AGBL5: variants seen among roughly 807,000 people sequenced by gnomAD.
AGBL5 encodes the protein AGBL carboxypeptidase 5, also known as cytosolic carboxypeptidase-like protein 5.
A neutral mutation model predicts 88.0 loss-of-function variants in AGBL5; 51 were observed. The observed-to-expected ratio is 0.58, with a 90% CI of 0.46 to 0.73. The LOEUF (loss-of-function observed/expected upper bound fraction) is 0.73, where lower values mean the gene tolerates loss of function less well. Among genes scored for constraint, AGBL5 ranks in the 30% least tolerant of loss-of-function variants. AGBL5 has a pLI of 0.00. For missense variants in AGBL5, 1,031 were observed against 1,162.2 expected, an observed-to-expected ratio of 0.89 and a Z score of 1.64; for synonymous variants, 446 against 438.8, an observed-to-expected ratio of 1.02 and a Z score of -0.21.
chr2:27,069,979 T>C, intron 14 of AGBL5, 113 bp from the exon 15 acceptor site: 6 of 1,527,636 alleles, frequency 3.9e-6, no homozygotes, highest in Non-Finnish European at 5.3e-6. Context: ...AACTTGCCCA[T>C]CCTTACCCAT....
intron 11 of AGBL5, among the ~76,000 whole-genome samples, chr2:27,063,266 A>G (rs1182679163): frequency 6.6e-6 from 1 of 152,212 alleles, no homozygotes; most frequent in African/African-American, 2.4e-5. Context: ...TATTTGTTGA[A>G]TGAATAAAAA....
chr2:27,054,533 G>A, intron 4 of AGBL5, 97 bp from the exon 5 acceptor site: 1 of 1,232,548 alleles, frequency 8.1e-7, no homozygotes, highest in South Asian at 1.4e-5. Flanking sequence ...AGGTTAGGGT[G>A]AAGGACCAGA....
intron 8 of AGBL5, chr2:27,057,014 C>T: frequency 3.5e-6 from 2 of 571,500 alleles, no homozygotes; most frequent in Non-Finnish European, 2.9e-6. Context: ...AAACAAAAAA[C>T]AACACCCAGT....
rs925848309 is a variant in AGBL5 at position 27,070,246 on chromosome 2, G to C, written c.2644G>C (p.Val882Leu). The C allele has an allele frequency of 5.0e-6, 8 of 1,614,178 alleles. No individual in the cohort carries two copies. Among genetic ancestry groups the C allele is most frequent in the Non-Finnish European group, 6.8e-6 (8 of 1,180,030 alleles). The change falls in exon 15 of 15, where the codon GTT becomes CTT. Residue 882 changes from valine (V) to leucine (L), a missense_variant. Coordinates refer to ENST00000360131, the MANE Select transcript of AGBL5 (RefSeq NM_021831.6). Reference sequence around the variant, plus strand: ...TGTCCCTAAATCTCCCCCACTGACTGTTTCTCCCCGGGTCTGATAATGCCT... The same window carrying C: ...TGTCCCTAAATCTCCCCCACTGACTCTTTCTCCCCGGGTCTGATAATGCCT... Reference protein sequence around the residue: ...CFVPKSPPLTVSPRV With the variant: ...CFVPKSPPLTLSPRV
In AGBL5 at chr2:27,058,252, A is replaced by G. The variant is rs951799675; in HGVS notation, c.1672-148A>G. 7 of 895,744 alleles carry G rather than the reference A, an allele frequency of 7.8e-6. No individual in the cohort carries two copies. The South Asian group carries it at 1.1e-4, about 14-fold the overall frequency. 55.5% of individuals were successfully genotyped at this position (895,744 alleles called of 1,614,324 possible). A position where few individuals can be genotyped will look rare whatever the true frequency, so the allele number is the denominator to read the frequency against. On this transcript the variant is annotated intron_variant, in intron 9 of 14. Coordinates refer to ENST00000360131, the MANE Select transcript of AGBL5 (RefSeq NM_021831.6). The stretch of plus-strand genomic sequence containing the variant: ...GAACAGCTCCAAATCCGTTTGCAAT[A>G]AACAGCCTGGGCACAAAGGTTAGGG...
intron 14 of AGBL5, 73 bp from the exon 15 acceptor site, chr2:27,070,019 C>T (rs757681441): frequency 2.6e-6 from 4 of 1,547,876 alleles, no homozygotes; most frequent in South Asian, 1.2e-5. Context: ...TTTCACTTCC[C>T]AGCCCCTGGT....
At chr2:27,067,809 G>C (rs1669071071) in intron 12 of AGBL5, 163 bp downstream of exon 12, 1 of 791,816 alleles carries the variant, frequency 1.3e-6, no homozygotes, top group Non-Finnish European at 2.2e-6. Flanking sequence ...TTATTAATGT[G>C]TCTGTGTAAT....
intron 11 of AGBL5, among the ~76,000 whole-genome samples, chr2:27,059,987 A>G (rs1458306347): frequency 6.6e-6 from 1 of 152,162 alleles, no homozygotes; most frequent in Non-Finnish European, 1.5e-5. Context: ...CGTCTCTATT[A>G]AAAATACAAA....
chr2:27,059,040 C>A, intron 10 of AGBL5, 150 bp from the exon 11 acceptor site: 1 of 773,230 alleles, frequency 1.3e-6, no homozygotes, highest in Non-Finnish European at 2.2e-6. Flanking sequence ...GATACTTCAT[C>A]CACGGACATG....
intron 11 of AGBL5, among the ~76,000 whole-genome samples, chr2:27,066,781 C>T (rs1051660510): frequency 1.3e-5 from 2 of 151,372 alleles, no homozygotes; most frequent in African/African-American, 4.9e-5. Flanking sequence ...CCCGTCTCTA[C>T]TAAAAATACA....
At chr2:27,050,456 C>T (rs1422715882), upstream of AGBL5, among the ~76,000 whole-genome samples, 3 of 152,224 alleles carry the variant, frequency 2.0e-5, no homozygotes, top group Non-Finnish European at 2.9e-5. Context: ...GTGCAGGTAC[C>T]GCGGCACAAG....
Position 27,055,710 on chromosome 2 carries a change from CG to C in AGBL5, c.938del (p.Arg313LeufsTer4). 6.2e-7 allele frequency: 1 copy of C among 1,613,844 alleles called. No individual in the cohort carries two copies. The highest frequency in any genetic ancestry group is 1.3e-5 in the African/African-American group (1 of 75,036). On this transcript the variant is annotated frameshift_variant, in exon 7 of 15. Transcript: ENST00000360131. LOFTEE classifies it high-confidence loss of function. Reference protein sequence around the residue: ...RTDSRGVNLNRQYLKPDAVLH... With the variant: ...RTDSRGVNLNXQYLKPDAVLH... The stretch of plus-strand genomic sequence containing the variant: ...AGACTCACGTGGAGTGAATCTGAAC[CG>C]TCAGTACCTGAAGCCTGATGCCGTC...
intron 12 of AGBL5, among the ~76,000 whole-genome samples, chr2:27,068,132 C>G (rs1669086140): frequency 6.6e-6 from 1 of 152,228 alleles, no homozygotes; most frequent in Non-Finnish European, 1.5e-5. Flanking sequence ...TTTTAAGACT[C>G]TAGTCCAACA....
At chr2:27,052,821 C>T in intron 1 of AGBL5, 92 bp from the exon 2 acceptor site, 1 of 734,014 alleles carries the variant, frequency 1.4e-6, no homozygotes, top group Non-Finnish European at 2.1e-6. Flanking sequence ...AGGGCACTCC[C>T]TAAGAATAGC....
intron 4 of AGBL5, chr2:27,054,319 G>A: frequency 1.8e-6 from 1 of 553,398 alleles, no homozygotes; most frequent in East Asian, 3.0e-5. Context: ...ATTATCCAGA[G>A]TTTAGCCAGC....
At position 27,055,244 on chromosome 2, in the gene AGBL5, G is replaced by A. The variant is rs1222962249; in HGVS notation, c.899G>A (p.Gly300Glu). The A allele has an allele frequency of 1.2e-6, 2 of 1,614,094 alleles. No individual in the cohort carries two copies. The highest frequency in any genetic ancestry group is 1.1e-5 in the South Asian group (1 of 91,070). ...PMLNPDGVVR[G>E]HYRTDSRGVN... Reference sequence around the variant, plus strand: ...TTGAACCCCGATGGTGTGGTCCGGGGACACTACCGGTAAGTGGCTTCCCCA... The same window carrying A: ...TTGAACCCCGATGGTGTGGTCCGGGAACACTACCGGTAAGTGGCTTCCCCA... The change falls in exon 6 of 15, where the codon GGA becomes GAA. Residue 300 changes from glycine to glutamate, a missense_variant. Physicochemically the swap from Gly to Glu is moderately conservative, Grantham distance 98 (BLOSUM62 -2). This residue lies in a region of AGBL5 where 540 missense variants were observed against 678.2 expected (regional missense o/e 0.80). Transcript: ENST00000360131.
At chr2:27,056,438 A>T (rs1252480049) in intron 7 of AGBL5, 185 bp from the exon 8 acceptor site, 3 of 668,196 alleles carry the variant, frequency 4.5e-6, no homozygotes, top group Non-Finnish European at 7.2e-6. Context: ...GCTTAAAAAA[A>T]AAAGAATTGC....
chr2:27,064,297 G>T (rs1668868927), intron 11 of AGBL5, among the ~76,000 whole-genome samples: 2 of 147,200 alleles, frequency 1.4e-5, no homozygotes, highest in Non-Finnish European at 3.0e-5. Flanking sequence ...GGTTGTTTTT[G>T]ACTTTTTTTT....
rs1415715856 is a variant in AGBL5, at chr2:27,067,497, C to T, written c.2093C>T (p.Pro698Leu). The change falls in exon 12 of 15, where the codon CCC becomes CTC. Residue 698 changes from proline to leucine, a missense_variant. Coordinates refer to ENST00000360131, the MANE Select transcript of AGBL5 (RefSeq NM_021831.6). The stretch of plus-strand genomic sequence containing the variant: ...TGCTTGTATCTCTTCCACTCAGAGC[C>T]CCGAAGCCAGGACAGGAGACGGCAG... Reference protein sequence around the residue: ...THRVLGPVREPRSQDRRRQQQ... With the variant: ...THRVLGPVRELRSQDRRRQQQ... 5 of 1,613,742 alleles carry T rather than the reference C, an allele frequency of 3.1e-6. No homozygotes were observed. The East Asian group carries it at 6.7e-5, about 22-fold the overall frequency.
Sources: allele counts gnomAD v4.1 joint callset (sites outside exome capture counted in the v4.1 genomes callset), GRCh38; gene constraint gnomAD v4.1.1; regional missense constraint gnomAD v4.1.1; transcripts MANE v1.5; gene names NCBI Gene and HGNC (gene_info 2026-07-23, HGNC 2026-07-21).